Variants in DIP2B observed in about 807,000 individuals in gnomAD.
DIP2B encodes DIP2 acetate--CoA ligase B (putative).
Under a neutral mutation model 198.0 loss-of-function variants are expected in DIP2B, and 76 were observed. The ratio of observed to expected loss-of-function variants is 0.38; its 90% CI spans 0.32 to 0.46. The LOEUF (loss-of-function observed/expected upper bound fraction) is 0.46. Among genes scored for constraint, DIP2B ranks in the 20% least tolerant of loss-of-function variants. DIP2B has a pLI of 0.99. For missense variants in DIP2B, 1,559 were observed against 1,978.4 expected (o/e 0.79, Z 4.02); for synonymous variants, 701 against 739.1 (o/e 0.95, Z 0.84).
At chr12:50,683,493 G>T (rs948939721) in intron 10 of DIP2B, among the ~76,000 whole-genome samples, 1 of 152,116 alleles carries the variant, frequency 6.6e-6, no homozygotes, top group African/African-American at 2.4e-5. Flanking sequence ...AAATATCACT[G>T]GGGCGAGGCC....
At chr12:50,700,309 A>G (rs1039250889) in intron 19 of DIP2B, among the ~76,000 whole-genome samples, 24 of 152,340 alleles carry the variant, frequency 1.6e-4, no homozygotes, top group African/African-American at 5.5e-4. Flanking sequence ...TTAATTGTCT[A>G]CATTTAATAA....
intron 17 of DIP2B, 138 bp downstream of exon 17, chr12:50,697,313 C>G (rs948401508): frequency 2.8e-6 from 2 of 711,512 alleles, no homozygotes; most frequent in East Asian, 2.9e-5. Flanking sequence ...CACTCTTGCT[C>G]AAAGTGTATG....
chr12:50,680,859 A>C, intron 9 of DIP2B, 96 bp downstream of exon 9: 1 of 1,137,386 alleles, frequency 8.8e-7, no homozygotes, highest in Non-Finnish European at 1.3e-6. Context: ...ACAACAGGAA[A>C]ATTTATGTAA....
At chr12:50,567,568 C>T (rs990386969) in intron 1 of DIP2B, among the ~76,000 whole-genome samples, 1 of 152,068 alleles carries the variant, frequency 6.6e-6, no homozygotes, top group Non-Finnish European at 1.5e-5. Flanking sequence ...TGCTCTGTCA[C>T]GCAAGCTGGA....
intron 4 of DIP2B, among the ~76,000 whole-genome samples, chr12:50,666,633 T>C (rs1037185432): frequency 1.2e-4 from 19 of 152,110 alleles, no homozygotes; most frequent in Non-Finnish European, 2.5e-4. Context: ...GATAAAACCT[T>C]GGGCCCATCT....
At chr12:50,650,953 A>C (rs1184549358) in intron 3 of DIP2B, among the ~76,000 whole-genome samples, 2 of 152,224 alleles carry the variant, frequency 1.3e-5, no homozygotes, top group African/African-American at 4.8e-5. Flanking sequence ...CCATTTCTCC[A>C]AATCCTCTTC....
chr12:50,552,259 T>C (rs1178267610), intron 1 of DIP2B, among the ~76,000 whole-genome samples: 3 of 151,802 alleles, frequency 2.0e-5, no homozygotes, highest in African/African-American at 7.3e-5. Flanking sequence ...TGTTGTTGAG[T>C]TATAGGAGTT....
intron 19 of DIP2B, among the ~76,000 whole-genome samples, chr12:50,701,542 T>C: frequency 6.6e-6 from 1 of 152,016 alleles, no homozygotes; most frequent in Non-Finnish European, 1.5e-5. Context: ...CCACCACGCC[T>C]GGCTAGTTTT....
At chr12:50,676,523 C>T (rs1046547766) in intron 7 of DIP2B, among the ~76,000 whole-genome samples, 6 of 152,176 alleles carry the variant, frequency 3.9e-5, no homozygotes, top group African/African-American at 1.2e-4. Context: ...ATAGCCTTTC[C>T]AGTGTTTTTA....
chr12:50,505,743 A>G (rs1321367871), intron 1 of DIP2B, among the ~76,000 whole-genome samples: 2 of 152,198 alleles, frequency 1.3e-5, no homozygotes, highest in Middle Eastern at 3.4e-3. Flanking sequence ...ATGCCTCCCC[A>G]GTGACAGGAG....
intron 1 of DIP2B, among the ~76,000 whole-genome samples, chr12:50,565,559 C>A (rs976223017): frequency 2.0e-5 from 3 of 152,122 alleles, no homozygotes; most frequent in African/African-American, 7.2e-5. Flanking sequence ...TCTTATATAT[C>A]ATGTTCCCAT....
In DIP2B at chr12:50,732,485, G is replaced by T; in HGVS notation, c.3930G>T (p.Arg1310=). The T allele has an allele frequency of 6.2e-7, 1 of 1,614,200 alleles. No homozygotes were observed. Among genetic ancestry groups the T allele is most frequent in the Non-Finnish European group, 8.5e-7 (1 of 1,180,032 alleles). The change falls in exon 32 of 38, where the codon CGG becomes CGT. Residue 1310 remains arginine (R), a synonymous_variant. Coordinates refer to ENST00000301180, the MANE Select transcript of DIP2B (RefSeq NM_173602.3). ...KLFKDIGLSP[R]AVSTTFGSRV... ...TCAAAGACATCGGGCTGTCCCCGCG[G>T]GCTGTCAGCACCACTTTTGGATCAA...
intron 1 of DIP2B, among the ~76,000 whole-genome samples, chr12:50,586,343 C>G (rs1168460335): frequency 6.6e-6 from 1 of 152,092 alleles, no homozygotes; most frequent in Non-Finnish European, 1.5e-5. Flanking sequence ...GAGGCAGGTC[C>G]AGGCAGATGA....
chr12:50,542,892 A>G (rs1958339324), intron 1 of DIP2B, among the ~76,000 whole-genome samples: 2 of 152,032 alleles, frequency 1.3e-5, no homozygotes, highest in African/African-American at 4.8e-5. Context: ...TTCTTAGACA[A>G]GGTCTCATTG....
chr12:50,562,236 G>GTAAT lies in DIP2B; in HGVS notation c.100+56997_100+57000dup, dbSNP rs1958525193. On this transcript the variant is annotated intron_variant, in intron 1 of 37. Coordinates refer to ENST00000301180, the MANE Select transcript of DIP2B (RefSeq NM_173602.3). ...ATTTCCTAGCAAGTCTTAGATAATG[G>GTAAT]TAATACCTGATTCTAGAATACAGAA... 2.0e-5 allele frequency among the ~76,000 whole-genome samples: 3 copies of GTAAT among 152,030 alleles called. No homozygotes were observed. The South Asian group carries it at 6.2e-4, about 32-fold the overall frequency.
chr12:50,510,555 A>T (rs1565807273), intron 1 of DIP2B, among the ~76,000 whole-genome samples: 1 of 152,014 alleles, frequency 6.6e-6, no homozygotes, highest in Non-Finnish European at 1.5e-5. Flanking sequence ...GTTCTCTCTC[A>T]TGTGACTAAT....
intron 3 of DIP2B, among the ~76,000 whole-genome samples, chr12:50,651,179 G>GTTAATTT (rs1240071762): frequency 6.6e-6 from 1 of 152,098 alleles, no homozygotes; most frequent in Non-Finnish European, 1.5e-5. Flanking sequence ...AGAAACTTGG[G>GTTAATTT]TTAATTTTTT....
intron 4 of DIP2B, among the ~76,000 whole-genome samples, chr12:50,663,836 C>T (rs1938698715): frequency 1.4e-5 from 2 of 144,872 alleles, no homozygotes. Flanking sequence ...ATCAACCGTA[C>T]TCCAACCTGG....
intron 4 of DIP2B, among the ~76,000 whole-genome samples, chr12:50,665,578 C>A (rs1938737648): frequency 6.6e-6 from 1 of 152,038 alleles, no homozygotes. Context: ...GTTATCATCT[C>A]TACAAATAAT....
Sources: gnomAD v4.1 joint callset for allele counts (sites outside exome capture counted in the v4.1 genomes callset) on GRCh38, gnomAD v4.1.1 for gene constraint, MANE v1.5 for transcripts, NCBI Gene and HGNC (gene_info 2026-07-23, HGNC 2026-07-21) for gene names.